SHROOM3: variants seen among roughly 807,000 people sequenced by gnomAD.
SHROOM3 encodes the protein protein Shroom3.
SHROOM3 carries 47 observed loss-of-function variants against 138.6 expected under a neutral mutation model. That is an observed-to-expected ratio of 0.34 (90% CI 0.27 to 0.43). SHROOM3 has a LOEUF of 0.43. SHROOM3 is among the 20% of genes least tolerant of loss of function. SHROOM3 has a pLI of 1.00. For synonymous variants in SHROOM3, 1,062 were observed against 1,063.3 expected, an observed-to-expected ratio of 1.00 and a Z score of 0.02; for missense variants, 2,491 against 2,596.5, an observed-to-expected ratio of 0.96 and a Z score of 0.88.
At chr4:76,667,804 T>C (rs979155488) in intron 2 of SHROOM3, among the ~76,000 whole-genome samples, 3 of 150,494 alleles carry the variant, frequency 2.0e-5, no homozygotes, top group African/African-American at 4.9e-5. Context: ...CCGCCTCTAC[T>C]AAAATACAAA....
rs564993944 is a variant in SHROOM3, at chr4:76,477,357, G to A, written c.168+41137G>A. On this transcript the variant is annotated intron_variant, in intron 1 of 10. Coordinates refer to ENST00000296043, the MANE Select transcript of SHROOM3 (RefSeq NM_020859.4). Reference sequence around the variant, plus strand: ...TAGGATTTGGTTAAACTTTGTATGCGGTAAGAGGAAAGGACAGACCCTCTT... The same window carrying A: ...TAGGATTTGGTTAAACTTTGTATGCAGTAAGAGGAAAGGACAGACCCTCTT... 3.5e-4 allele frequency among the ~76,000 whole-genome samples: 53 copies of A among 151,806 alleles called. No homozygotes were observed. The South Asian group carries it at 6.8e-3, about 20-fold the overall frequency.
chr4:76,708,648 T>C (rs974745173), intron 2 of SHROOM3, among the ~76,000 whole-genome samples: 5 of 152,190 alleles, frequency 3.3e-5, no homozygotes, highest in Admixed American at 2.6e-4. Flanking sequence ...ATCTACTTTC[T>C]AGTCACCGAT....
chr4:76,556,811 T>G (rs1320524398), intron 2 of SHROOM3, among the ~76,000 whole-genome samples: 1 of 152,206 alleles, frequency 6.6e-6, no homozygotes, highest in Non-Finnish European at 1.5e-5. Context: ...CTCAAATGTT[T>G]CCTAAGTGAG....
intron 2 of SHROOM3, among the ~76,000 whole-genome samples, chr4:76,616,769 A>G (rs1734890951): frequency 6.6e-6 from 1 of 152,174 alleles, no homozygotes; most frequent in Non-Finnish European, 1.5e-5. Flanking sequence ...GGGATGCAGC[A>G]ATATGTTTGC....
chr4:76,710,286 A>T lies in SHROOM3; in HGVS notation c.454A>T (p.Arg152Trp), dbSNP rs945522254. The T allele has an allele frequency of 6.2e-7, 1 of 1,613,796 alleles. No homozygotes were observed. Among genetic ancestry groups the T allele is most frequent in the African/African-American group, 1.3e-5 (1 of 74,906 alleles). ...AGGGGTTAAACTTCGGCTGAAGCAC[A>T]GGTAAGACGCACGGAAGTTGGTGCT... ...SGGVKLRLKHRRSEPAGRPHS... is the reference protein window; with the variant it reads ...SGGVKLRLKHWRSEPAGRPHS... Residue 152 changes from arginine (R) to tryptophan (W), a missense_variant and splice_region_variant, in exon 3 of 11, where the codon AGG (arginine) becomes TGG (tryptophan). Transcript: ENST00000296043.
intron 1 of SHROOM3, among the ~76,000 whole-genome samples, chr4:76,485,704 T>C (rs577092949): frequency 6.6e-6 from 1 of 152,290 alleles, no homozygotes; most frequent in Admixed American, 6.5e-5. Context: ...CTCTTTGTCC[T>C]TTCCCAAGTC....
At chr4:76,465,879 A>C (rs1731240117) in intron 1 of SHROOM3, among the ~76,000 whole-genome samples, 1 of 152,242 alleles carries the variant, frequency 6.6e-6, no homozygotes, top group Admixed American at 6.5e-5. Flanking sequence ...TATGCCATGC[A>C]TAAAGGGCCT....
chr4:76,489,402 G>A (rs1326159479), intron 1 of SHROOM3, among the ~76,000 whole-genome samples: 2 of 152,204 alleles, frequency 1.3e-5, no homozygotes, highest in Admixed American at 1.3e-4. Flanking sequence ...TAATTTGTGT[G>A]TCTGTTTAAT....
intron 2 of SHROOM3, among the ~76,000 whole-genome samples, chr4:76,557,230 C>CACACACACACACACAT (rs1733503851): frequency 1.4e-5 from 2 of 142,794 alleles, no homozygotes; most frequent in South Asian, 4.3e-4. Flanking sequence ...TATGTATACA[C>CACACACACACACACAT]ACACACACAC....
chr4:76,543,449 T>C (rs2110021979), intron 1 of SHROOM3, among the ~76,000 whole-genome samples: 1 of 152,344 alleles, frequency 6.6e-6, no homozygotes, highest in East Asian at 1.9e-4. Flanking sequence ...AGTTTTTATT[T>C]GTTTGTTTCA....
intron 1 of SHROOM3, among the ~76,000 whole-genome samples, chr4:76,457,590 C>T (rs1731054495): frequency 6.6e-6 from 1 of 151,294 alleles, no homozygotes; most frequent in Non-Finnish European, 1.5e-5. Flanking sequence ...CTCCTGGGTT[C>T]AAGCGATTCT....
At chr4:76,526,706 A>G (rs982383332) in intron 1 of SHROOM3, among the ~76,000 whole-genome samples, 2 of 152,164 alleles carry the variant, frequency 1.3e-5, no homozygotes, top group Admixed American at 1.3e-4. Flanking sequence ...GCACTTTGAT[A>G]AGTGTCCTGT....
chr4:76,586,553 A>ACCT (rs1187323661), intron 2 of SHROOM3: 739 of 887,618 alleles, frequency 8.3e-4, no homozygotes, highest in Non-Finnish European at 9.6e-4. Context: ...GGGAAGGTAA[A>ACCT]CTAAAGAGAG....
rs1367589226 is a variant in SHROOM3, at chr4:76,555,774, G to C, written c.323+11G>C. ...GCTGGTAGTGCGCAGGTAGGTGGCAGACCCCCACCCTGTCCCTCCTACCAC... is the reference window on the plus strand; with the variant it reads ...GCTGGTAGTGCGCAGGTAGGTGGCACACCCCCACCCTGTCCCTCCTACCAC... On this transcript the variant is annotated intron_variant, in intron 2 of 10. Transcript: ENST00000296043. 1 of 1,610,688 alleles carries C rather than the reference G, an allele frequency of 6.2e-7. No homozygotes were observed. The highest frequency in any genetic ancestry group is 8.5e-7 in the Non-Finnish European group (1 of 1,179,788).
At chr4:76,441,863 C>T (rs1318943903) in intron 1 of SHROOM3, among the ~76,000 whole-genome samples, 2 of 152,184 alleles carry the variant, frequency 1.3e-5, no homozygotes, top group Admixed American at 1.3e-4. Flanking sequence ...GCTGGGATTA[C>T]AGGCATGCGC....
In SHROOM3 at chr4:76,699,564, G is replaced by T. The variant is rs910733586; in HGVS notation, c.324-10592G>T. The stretch of plus-strand genomic sequence containing the variant: ...CAGTAATGTTTCCTGCTATAATAGG[G>T]TATGTATATATGGCCTTTTAGAGGG... On this transcript the variant is annotated intron_variant, in intron 2 of 10. Transcript: ENST00000296043. Among the ~76,000 whole-genome samples the T allele has an allele frequency of 4.6e-5, 7 of 152,174 alleles. No individual in the cohort carries two copies. The East Asian group carries it at 1.3e-3, about 29-fold the overall frequency.
At chr4:76,699,836 C>A (rs1243536127) in intron 2 of SHROOM3, among the ~76,000 whole-genome samples, 1 of 152,160 alleles carries the variant, frequency 6.6e-6, no homozygotes, top group African/African-American at 2.4e-5. Flanking sequence ...GTGACCCCAG[C>A]TTTACCCTTT....
intron 1 of SHROOM3, among the ~76,000 whole-genome samples, chr4:76,502,103 AG>A (rs974490542): frequency 6.6e-6 from 1 of 152,146 alleles, no homozygotes; most frequent in African/African-American, 2.4e-5. Context: ...TTATAACAAG[AG>A]GAAGAGAGAC....
intron 1 of SHROOM3, among the ~76,000 whole-genome samples, chr4:76,492,572 A>G (rs1731875313): frequency 6.6e-6 from 1 of 152,320 alleles, no homozygotes; most frequent in Non-Finnish European, 1.5e-5. Context: ...TATAAAGTTT[A>G]TGATAAATTC....
Sources: allele counts gnomAD v4.1 joint callset (sites outside exome capture counted in the v4.1 genomes callset), GRCh38; gene constraint gnomAD v4.1.1; transcripts MANE v1.5; gene names NCBI Gene and HGNC (gene_info 2026-07-23, HGNC 2026-07-21).